CMIP: variants seen among roughly 807,000 people sequenced by gnomAD.
CMIP encodes C-Maf-inducing protein.
In CMIP, 13 loss-of-function variants were observed where a neutral mutation model predicts 97.3. The ratio of observed to expected loss-of-function variants is 0.13; its 90% confidence interval spans 0.09 to 0.21. The LOEUF is 0.21. CMIP is among the 10% of genes least tolerant of loss of function. The pLI is 1.00. For missense variants in CMIP, 847 were observed against 1,024.9 expected (o/e 0.83, Z 2.37); for synonymous variants, 538 against 436.3 (o/e 1.23, Z -2.91).
Position 81,652,115 on chromosome 16 carries a change from C to A in CMIP, c.478-88C>A. 1 of 1,118,274 alleles carries A rather than the reference C, an allele frequency of 8.9e-7. No individual in the cohort carries two copies. Among genetic ancestry groups the A allele is most frequent in the Non-Finnish European group, 1.3e-6 (1 of 756,284 alleles). 69.3% of individuals were successfully genotyped at this position (1,118,274 alleles called of 1,614,324 possible). A position where few individuals can be genotyped will look rare whatever the true frequency, so the allele number is the denominator to read the frequency against. ...TCAGTTTCTCAGGGCCCTTTACACC[C>A]TAACCCATCTGATTCTTTGATTGTC... On this transcript the variant is annotated intron_variant, in intron 3 of 20. Coordinates refer to ENST00000537098, the MANE Select transcript of CMIP (RefSeq NM_198390.3). This position sits in a 1 kb window ranked among gnomAD's most constrained non-coding sequence, Gnocchi z 5.2.
chr16:81,548,843 C>T (rs1284909243), intron 1 of CMIP, among the ~76,000 whole-genome samples: 1 of 152,076 alleles, frequency 6.6e-6, no homozygotes, highest in African/African-American at 2.4e-5. Context: ...AAGATTCTGT[C>T]TCTGAAAAAA....
intron 1 of CMIP, among the ~76,000 whole-genome samples, chr16:81,578,817 G>GC (rs1335934560): frequency 6.6e-6 from 1 of 152,212 alleles, no homozygotes; most frequent in Non-Finnish European, 1.5e-5. Flanking sequence ...TGGCAGATAA[G>GC]CCCGTGCCAT....
rs548427751 is a variant in CMIP at position 81,623,773 on chromosome 16, G to A, written c.477+2847G>A. Among the ~76,000 whole-genome samples the A allele has an allele frequency of 2.5e-4, 38 of 152,352 alleles. 1 individual carries two copies. In the South Asian group the frequency reaches 7.7e-3, roughly 31 times the overall value. ...TGGTTCTGTGGGCAGATTCCAGAAA[G>A]TGTTCACCTAATACAGATGCAGTTA... On this transcript the variant is annotated intron_variant, in intron 3 of 20. Coordinates refer to ENST00000537098, the MANE Select transcript of CMIP (RefSeq NM_198390.3).
chr16:81,497,851 G>A (rs570297052), intron 1 of CMIP, among the ~76,000 whole-genome samples: 1 of 152,354 alleles, frequency 6.6e-6, no homozygotes, highest in South Asian at 2.1e-4. Flanking sequence ...AGCTCCTTCT[G>A]CCCGTGCAGC....
At chr16:81,651,353 C>G in intron 3 of CMIP, 2 of 887,550 alleles carry the variant, frequency 2.3e-6, no homozygotes, top group Non-Finnish European at 2.7e-6. Flanking sequence ...GCGGAACTAA[C>G]TCTGCCTCAA....
intron 3 of CMIP, among the ~76,000 whole-genome samples, chr16:81,637,282 A>G (rs573373438): frequency 8.3e-4 from 127 of 152,250 alleles, no homozygotes; most frequent in African/African-American, 3.0e-3. Context: ...CATGTTGGCC[A>G]GGCTGGTCTT....
intron 10 of CMIP, among the ~76,000 whole-genome samples, chr16:81,681,521 G>C (rs1904872420): frequency 2.0e-5 from 3 of 152,166 alleles, no homozygotes; most frequent in South Asian, 4.2e-4. Flanking sequence ...AGATGGGAGG[G>C]GCCAGCCCTG....
At position 81,484,372 on chromosome 16, in the gene CMIP, C is replaced by T. The variant is rs149697728; in HGVS notation, c.300+38831C>T. ...CAGCTCAGAAAGCCCTGGCTCTGGCCGAGGTTTGGGATGTGTGGCTGCCAT... is the reference window on the plus strand; with the variant it reads ...CAGCTCAGAAAGCCCTGGCTCTGGCTGAGGTTTGGGATGTGTGGCTGCCAT... On this transcript the variant is annotated intron_variant, in intron 1 of 20. Transcript: ENST00000537098. 3.3e-3 allele frequency among the ~76,000 whole-genome samples: 505 copies of T among 152,302 alleles called. 7 individuals carry two copies. Among genetic ancestry groups the T allele is most frequent in the Non-Finnish European group, 1.3e-3 (91 of 68,024 alleles).
chr16:81,570,918 C>A (rs1298746989), intron 1 of CMIP, among the ~76,000 whole-genome samples: 2 of 151,928 alleles, frequency 1.3e-5, no homozygotes, highest in East Asian at 3.9e-4. Flanking sequence ...CCTGCGGACA[C>A]GTGATGATGA....
intron 9 of CMIP, 98 bp downstream of exon 9, chr16:81,672,168 G>A: frequency 1.4e-6 from 1 of 691,736 alleles, no homozygotes; most frequent in Non-Finnish European, 2.6e-6. Context: ...GGCCAGAGAG[G>A]TGGAGTGGCT....
chr16:81,470,178 G>A (rs1458882850), intron 1 of CMIP, among the ~76,000 whole-genome samples: 2 of 152,344 alleles, frequency 1.3e-5, no homozygotes, highest in Admixed American at 1.3e-4. Context: ...GATGTTGAAA[G>A]CAATAGGGAA....
intron 1 of CMIP, among the ~76,000 whole-genome samples, chr16:81,461,667 G>C (rs1041440523): frequency 6.6e-6 from 1 of 152,214 alleles, no homozygotes; most frequent in Admixed American, 6.5e-5. Flanking sequence ...CAGGGTGTTC[G>C]CTCTTAAGAG....
At chr16:81,603,003 A>G (rs1043993473) in intron 1 of CMIP, among the ~76,000 whole-genome samples, 3 of 152,198 alleles carry the variant, frequency 2.0e-5, no homozygotes, top group African/African-American at 7.2e-5. Flanking sequence ...TTCCATCCCA[A>G]TCCAGCCCAT....
At chr16:81,466,354 C>T (rs906740956) in intron 1 of CMIP, among the ~76,000 whole-genome samples, 24 of 152,328 alleles carry the variant, frequency 1.6e-4, no homozygotes, top group Admixed American at 3.9e-4. Flanking sequence ...AGCCACTAGG[C>T]CTGGCCTCTT....
At chr16:81,497,002 A>G (rs770325992) in intron 1 of CMIP, among the ~76,000 whole-genome samples, 4 of 152,230 alleles carry the variant, frequency 2.6e-5, no homozygotes, top group Non-Finnish European at 1.5e-5. Context: ...GATTGCACAG[A>G]TGCCCTGATG....
intron 14 of CMIP, chr16:81,696,974 C>T (rs932984993): frequency 2.0e-5 from 9 of 444,444 alleles, no homozygotes; most frequent in Admixed American, 1.6e-4. Flanking sequence ...AAGCCTGGGC[C>T]GTTACTGCCT....
At chr16:81,446,892 C>G (rs1436631877) in intron 1 of CMIP, among the ~76,000 whole-genome samples, 1 of 136,272 alleles carries the variant, frequency 7.3e-6, no homozygotes, top group Non-Finnish European at 1.5e-5. Flanking sequence ...GACTTTTATT[C>G]TTAATTTGGG....
chr16:81,657,817 G>A lies in CMIP; in HGVS notation c.681+1G>A. ...CCAGGAGCATGAAAACATCATTGTG[G>A]TAAGTTCCTCTCGAACACGCTCCCT... On this transcript the variant is annotated splice_donor_variant, in intron 5 of 20. Coordinates refer to ENST00000537098, the MANE Select transcript of CMIP (RefSeq NM_198390.3). LOFTEE classifies it high-confidence loss of function. The A allele has an allele frequency of 1.2e-6, 2 of 1,604,938 alleles. No homozygotes were observed. The highest frequency in any genetic ancestry group is 1.7e-5 in the Admixed American group (1 of 58,730).
At chr16:81,572,443 A>T (rs1245281291) in intron 1 of CMIP, among the ~76,000 whole-genome samples, 2 of 152,236 alleles carry the variant, frequency 1.3e-5, no homozygotes, top group African/African-American at 4.8e-5. Context: ...TCCTGCAGTC[A>T]TTCCTAAGCG....
Sources: gnomAD v4.1 joint callset for allele counts (sites outside exome capture counted in the v4.1 genomes callset) on GRCh38, gnomAD v4.1.1 for gene constraint, Gnocchi (gnomAD v3.1) non-coding constraint, MANE v1.5 for transcripts, NCBI Gene and HGNC (gene_info 2026-07-23, HGNC 2026-07-21) for gene names.